Variants in RABGAP1L observed in about 807,000 individuals in gnomAD.
RABGAP1L encodes rab GTPase-activating protein 1-like.
In RABGAP1L, 63 loss-of-function variants were observed where a neutral mutation model predicts 137.7. The observed-to-expected ratio is 0.46, with a 90% CI of 0.37 to 0.56. The LOEUF (loss-of-function observed/expected upper bound fraction) is 0.56, where lower values mean the gene tolerates loss of function less well. Ranked by LOEUF, RABGAP1L falls within the 20% of genes least tolerant of loss-of-function variation. The pLI is 0.00. For synonymous variants in RABGAP1L, 431 were observed against 433.7 expected (o/e 0.99, Z 0.08); for missense variants, 1,095 against 1,244.0 (o/e 0.88, Z 1.80).
In RABGAP1L at chr1:174,957,492, A is replaced by G. The variant is rs373000781; in HGVS notation, c.2376A>G (p.Glu792=). Residue 792 remains glutamate (E), a synonymous_variant, in exon 20 of 26, where the codon GAA becomes GAG. Coordinates refer to ENST00000681986, the MANE Select transcript of RABGAP1L (RefSeq NM_001366446.1). Reference sequence around the variant, plus strand: ...AGAAGCTGAAGAAATATGAGAAAGAATATCAGACAATGCGAGAGAGTCAGC... The same window carrying G: ...AGAAGCTGAAGAAATATGAGAAAGAGTATCAGACAATGCGAGAGAGTCAGC... ...PTKKLKKYEK[E]YQTMRESQLQ... 7.4e-6 allele frequency: 12 copies of G among 1,613,642 alleles called. No homozygotes were observed. The African/African-American group carries it at 1.6e-4, about 22-fold the overall frequency.
At chr1:174,194,235 CTTTTT>C (rs59046200) in intron 1 of RABGAP1L, among the ~76,000 whole-genome samples, 1 of 137,006 alleles carries the variant, frequency 7.3e-6, no homozygotes. Flanking sequence ...TCAGTTAATT[CTTTTT>C]TTTTTTTTTT....
intron 19 of RABGAP1L, among the ~76,000 whole-genome samples, chr1:174,855,306 C>T (rs1293801601): frequency 6.6e-6 from 1 of 152,148 alleles, no homozygotes; most frequent in Non-Finnish European, 1.5e-5. Context: ...CCCATTCAAG[C>T]TTAGAGCTTC....
intron 7 of RABGAP1L, among the ~76,000 whole-genome samples, chr1:174,271,525 G>A (rs1033171632): frequency 6.6e-6 from 1 of 152,068 alleles, no homozygotes; most frequent in Non-Finnish European, 1.5e-5. Context: ...TTGTGTGTGG[G>A]TATGTGTTGT....
At chr1:174,179,346 C>T (rs56239105) in intron 1 of RABGAP1L, among the ~76,000 whole-genome samples, 35,131 of 152,086 alleles carry the variant, frequency 0.23, 4,514 homozygotes, top group Non-Finnish European at 0.27. Flanking sequence ...AAATGGTACT[C>T]TGTGAAGAAA....
At chr1:174,874,405 G>T in intron 19 of RABGAP1L, 1 of 931,064 alleles carries the variant, frequency 1.1e-6, no homozygotes, top group African/African-American at 1.8e-5. Flanking sequence ...TGACTTGCCC[G>T]GGGACGGACA....
intron 11 of RABGAP1L, among the ~76,000 whole-genome samples, chr1:174,362,133 A>G (rs115600452): frequency 1.2e-4 from 18 of 152,112 alleles, no homozygotes; most frequent in Admixed American, 5.9e-4. Context: ...TTATGGCTAC[A>G]TATTATTCCA....
Position 174,437,470 on chromosome 1 carries a change from C to T in RABGAP1L, c.1710+43325C>T, listed in dbSNP as rs887032414. 8.6e-5 allele frequency among the ~76,000 whole-genome samples: 13 copies of T among 151,786 alleles called. No homozygotes were observed. The East Asian group carries it at 1.5e-3, about 18-fold the overall frequency. On this transcript the variant is annotated intron_variant, in intron 13 of 25. Coordinates refer to ENST00000681986, the MANE Select transcript of RABGAP1L (RefSeq NM_001366446.1). ...GATCAACTGGAAGAAAGGGTATCAG[C>T]GATGGAAGACGAAATGAATAAAATG...
chr1:174,383,365 A>C (rs1405850858), intron 12 of RABGAP1L, among the ~76,000 whole-genome samples: 1 of 151,328 alleles, frequency 6.6e-6, no homozygotes, highest in Non-Finnish European at 1.5e-5. Flanking sequence ...AAGCCTGGGC[A>C]ATGGCGGGCG....
At chr1:174,732,027 C>G (rs1241343681) in intron 17 of RABGAP1L, among the ~76,000 whole-genome samples, 1 of 152,072 alleles carries the variant, frequency 6.6e-6, no homozygotes, top group Non-Finnish European at 1.5e-5. Flanking sequence ...ATGGTGAAAC[C>G]CTGTGTCTAT....
At chr1:174,196,363 A>G (rs1453674273) in intron 1 of RABGAP1L, among the ~76,000 whole-genome samples, 1 of 150,746 alleles carries the variant, frequency 6.6e-6, no homozygotes, top group Non-Finnish European at 1.5e-5. Flanking sequence ...AGCTGGGACT[A>G]CAGGTGCCCG....
intron 17 of RABGAP1L, among the ~76,000 whole-genome samples, chr1:174,718,616 C>T (rs1249447208): frequency 2.6e-5 from 4 of 152,034 alleles, no homozygotes; most frequent in African/African-American, 7.2e-5. Context: ...CATTTGTCAT[C>T]GTGTACTATT....
At chr1:174,538,830 G>A (rs1665109189) in intron 13 of RABGAP1L, among the ~76,000 whole-genome samples, 1 of 152,154 alleles carries the variant, frequency 6.6e-6, no homozygotes. Flanking sequence ...AGGTATACAT[G>A]TTTATGTATA....
chr1:174,499,067 A>G (rs1385068147), intron 13 of RABGAP1L, among the ~76,000 whole-genome samples: 3 of 152,118 alleles, frequency 2.0e-5, no homozygotes, highest in African/African-American at 7.2e-5. Context: ...AAAGGCCAAA[A>G]TATCACAATG....
intron 10 of RABGAP1L, among the ~76,000 whole-genome samples, chr1:174,279,781 A>G (rs959618407): frequency 6.6e-6 from 1 of 152,038 alleles, no homozygotes; most frequent in African/African-American, 2.4e-5. Context: ...ATCTTTTAAT[A>G]TTTTATTATG....
chr1:174,257,757 A>G (rs1302183149), intron 7 of RABGAP1L, among the ~76,000 whole-genome samples: 3 of 152,194 alleles, frequency 2.0e-5, no homozygotes, highest in African/African-American at 7.2e-5. Flanking sequence ...CATTAGGACA[A>G]TTGTTTTTAA....
chr1:174,599,360 T>C (rs1670244399), intron 13 of RABGAP1L, among the ~76,000 whole-genome samples: 1 of 152,242 alleles, frequency 6.6e-6, no homozygotes, highest in Admixed American at 6.5e-5. Flanking sequence ...ATGGAAGATA[T>C]AAGTAGTTTA....
At chr1:174,555,613 A>G (rs1666827197) in intron 13 of RABGAP1L, among the ~76,000 whole-genome samples, 2 of 152,192 alleles carry the variant, frequency 1.3e-5, no homozygotes, top group African/African-American at 4.8e-5. Context: ...TAGAAAGACT[A>G]ATAATTCATG....
At chr1:174,612,129 G>T (rs1346807703) in intron 13 of RABGAP1L, among the ~76,000 whole-genome samples, 1 of 152,162 alleles carries the variant, frequency 6.6e-6, no homozygotes, top group Non-Finnish European at 1.5e-5. Flanking sequence ...TCCCTGTCTT[G>T]CACCTGTTTT....
At chr1:174,239,129 C>T (rs1263529142) in intron 4 of RABGAP1L, among the ~76,000 whole-genome samples, 1 of 152,150 alleles carries the variant, frequency 6.6e-6, no homozygotes, top group South Asian at 2.1e-4. Context: ...CTTCGGCTCG[C>T]GCACCGTGCG....
Sources: allele counts gnomAD v4.1 joint callset (sites outside exome capture counted in the v4.1 genomes callset), GRCh38; gene constraint gnomAD v4.1.1; transcripts MANE v1.5; gene names NCBI Gene and HGNC (gene_info 2026-07-23, HGNC 2026-07-21).